RALA: variants seen among roughly 807,000 people sequenced by gnomAD.
RALA encodes ras-related protein Ral-A.
RALA carries 5 observed loss-of-function variants against 24.0 expected under a neutral mutation model. That is an observed-to-expected ratio of 0.21 (90% CI 0.11 to 0.44). The LOEUF is 0.44. Ranked by LOEUF, RALA falls within the 20% of genes least tolerant of loss-of-function variation. The pLI is 0.99. For missense variants in RALA, 95 were observed against 241.2 expected (o/e 0.39, Z 4.01); for synonymous variants, 77 against 83.8 (o/e 0.92, Z 0.44).
At chr7:39,688,955 G>A (rs1470567698) in intron 2 of RALA, among the ~76,000 whole-genome samples, 3 of 152,162 alleles carry the variant, frequency 2.0e-5, no homozygotes, top group Non-Finnish European at 2.9e-5. Flanking sequence ...GTTGGGACAG[G>A]GGAGGGAGAG....
At chr7:39,676,275 G>T (rs1029053943) in intron 1 of RALA, among the ~76,000 whole-genome samples, 2 of 152,094 alleles carry the variant, frequency 1.3e-5, no homozygotes, top group African/African-American at 4.8e-5. Context: ...GCACCCAGCC[G>T]ATCATAAGCC....
chr7:39,696,294 A>G (rs1455121511), intron 3 of RALA, among the ~76,000 whole-genome samples: 1 of 152,188 alleles, frequency 6.6e-6, no homozygotes, highest in Non-Finnish European at 1.5e-5. Flanking sequence ...TACTTTAATC[A>G]TGAGGAAAAC....
chr7:39,697,625 G>C (rs1328762435), intron 4 of RALA: 2 of 306,932 alleles, frequency 6.5e-6, no homozygotes, highest in Non-Finnish European at 1.3e-5. Flanking sequence ...TGTAAATCTT[G>C]ATAAACACAC....
At chr7:39,635,015 T>C in intron 1 of RALA, among the ~76,000 whole-genome samples, 1 of 152,206 alleles carries the variant, frequency 6.6e-6, no homozygotes, top group East Asian at 1.9e-4. Flanking sequence ...ATAACAGATT[T>C]ATTGGGATAT....
chr7:39,673,778 A>T (rs1792428983), intron 1 of RALA, among the ~76,000 whole-genome samples: 1 of 152,106 alleles, frequency 6.6e-6, no homozygotes, highest in Non-Finnish European at 1.5e-5. Context: ...AGCCACCCTT[A>T]TCTTACTCCT....
chr7:39,695,483 C>G (rs983133409), intron 3 of RALA, among the ~76,000 whole-genome samples: 2 of 151,634 alleles, frequency 1.3e-5, no homozygotes, highest in Non-Finnish European at 2.9e-5. Context: ...GTAATCATGG[C>G]TCACTGCAGC....
chr7:39,677,972 G>C (rs1356310742), intron 1 of RALA, among the ~76,000 whole-genome samples: 1 of 146,714 alleles, frequency 6.8e-6, no homozygotes, highest in Non-Finnish European at 1.5e-5. Context: ...AGATGAGTAG[G>C]TTGCGAAAAT....
chr7:39,704,164 A>ATC, intron 4 of RALA, among the ~76,000 whole-genome samples: 1 of 149,406 alleles, frequency 6.7e-6, no homozygotes, highest in Non-Finnish European at 1.5e-5. Context: ...TCTCTCAAAA[A>ATC]AAAAAAAAAA....
chr7:39,677,175 G>T (rs1486442316), intron 1 of RALA, among the ~76,000 whole-genome samples: 1 of 152,230 alleles, frequency 6.6e-6, no homozygotes, highest in African/African-American at 2.4e-5. Context: ...AGAAGCGAAA[G>T]AGGCAAGGAG....
In RALA at chr7:39,666,579, A is replaced by T. The variant is rs188998706; in HGVS notation, c.-37-20052A>T. ...ATTCGCAATGCCTTACTTATACAGG[A>T]AGGATCTTAACAGTACATACTAAGA... On this transcript the variant is annotated intron_variant, in intron 1 of 4. Transcript: ENST00000005257. Among the ~76,000 whole-genome samples, 16 of 152,356 alleles carry T rather than the reference A, an allele frequency of 1.1e-4. No individual in the cohort carries two copies. In the East Asian group the frequency reaches 3.1e-3, roughly 29 times the overall value.
At chr7:39,690,117 T>C (rs1452723722) in intron 2 of RALA, among the ~76,000 whole-genome samples, 1 of 152,142 alleles carries the variant, frequency 6.6e-6, no homozygotes, top group Non-Finnish European at 1.5e-5. Flanking sequence ...TTTTTGCAGG[T>C]ATTGTGTTTT....
chr7:39,651,040 G>A (rs576347235), intron 1 of RALA, among the ~76,000 whole-genome samples: 3 of 152,284 alleles, frequency 2.0e-5, no homozygotes, highest in African/African-American at 7.2e-5. Context: ...CTTTACTTCT[G>A]TATCGTAGAC....
At chr7:39,704,788 GCC>G (rs1793088625) in intron 4 of RALA, among the ~76,000 whole-genome samples, 1 of 151,920 alleles carries the variant, frequency 6.6e-6, no homozygotes, top group African/African-American at 2.4e-5. Context: ...CAATTCTTGT[GCC>G]TCAGCCTTCC....
At position 39,642,165 on chromosome 7, in the gene RALA, TACA is replaced by T. The variant is rs1344473401; in HGVS notation, c.-38+18345_-38+18347del. On this transcript the variant is annotated intron_variant, in intron 1 of 4. Transcript: ENST00000005257. ...AATAGAAAAACAAGCATGTGCAGCATACAACAAGTGGGAGAAACCTCAGTGAAA... is the reference window on the plus strand; with the variant it reads ...AATAGAAAAACAAGCATGTGCAGCATACAAGTGGGAGAAACCTCAGTGAAA... Among the ~76,000 whole-genome samples, 3 of 152,264 alleles carry T rather than the reference TACA, an allele frequency of 2.0e-5. No individual in the cohort carries two copies. In the South Asian group the frequency reaches 6.2e-4, roughly 32 times the overall value.
At chr7:39,668,690 C>T (rs1201258751) in intron 1 of RALA, among the ~76,000 whole-genome samples, 3 of 149,680 alleles carry the variant, frequency 2.0e-5, no homozygotes, top group South Asian at 4.2e-4. Flanking sequence ...CCCAGCTACT[C>T]GGGAAGCTGA....
At chr7:39,696,911 T>C in intron 4 of RALA, 52 bp downstream of exon 4, 1 of 1,500,770 alleles carries the variant, frequency 6.7e-7, no homozygotes, top group Non-Finnish European at 9.0e-7. Flanking sequence ...TTGGTTTGCT[T>C]TAACTTGGCT....
chr7:39,699,033 A>G (rs537995774), intron 4 of RALA, among the ~76,000 whole-genome samples: 16 of 152,146 alleles, frequency 1.1e-4, no homozygotes, highest in Non-Finnish European at 2.2e-4. Flanking sequence ...GAGTATAGAA[A>G]AACAGGAACC....
chr7:39,666,745 C>T (rs1398901481), intron 1 of RALA, among the ~76,000 whole-genome samples: 1 of 152,112 alleles, frequency 6.6e-6, no homozygotes, highest in African/African-American at 2.4e-5. Context: ...CGCAGTTCCA[C>T]AAAGTAAGAA....
At chr7:39,689,896 CAT>C (rs1419459314) in intron 2 of RALA, among the ~76,000 whole-genome samples, 3 of 152,150 alleles carry the variant, frequency 2.0e-5, no homozygotes, top group East Asian at 1.9e-4. Context: ...GAAGAAGTCT[CAT>C]AAAGTTTAAG....
Sources: allele counts gnomAD v4.1 joint callset (sites outside exome capture counted in the v4.1 genomes callset), GRCh38; gene constraint gnomAD v4.1.1; transcripts MANE v1.5; gene names NCBI Gene and HGNC (gene_info 2026-07-23, HGNC 2026-07-21).